PACRG: variants seen among roughly 807,000 people sequenced by gnomAD.
PACRG encodes parkin coregulated, also known as parkin coregulated gene protein.
Under a neutral mutation model 29.7 loss-of-function variants are expected in PACRG, and 29 were observed. The observed-to-expected ratio is 0.98, with a 90% CI of 0.73 to 1.33. PACRG has a LOEUF of 1.33. Ranked by LOEUF, PACRG falls within the 40% of genes most tolerant of loss-of-function variation. The pLI is 0.00. For missense variants in PACRG, 279 were observed against 316.2 expected (o/e 0.88, Z 0.89); for synonymous variants, 116 against 118.7 (o/e 0.98, Z 0.15).
At chr6:163,212,818 G>A (rs1284843825) in intron 4 of PACRG, among the ~76,000 whole-genome samples, 2 of 148,166 alleles carry the variant, frequency 1.3e-5, no homozygotes, top group African/African-American at 2.5e-5. Context: ...CTCGCTCATC[G>A]CCCAGGCTGG....
intron 2 of PACRG, among the ~76,000 whole-genome samples, chr6:162,855,005 G>A (rs1240042121): frequency 2.0e-5 from 3 of 152,230 alleles, no homozygotes; most frequent in Non-Finnish European, 2.9e-5. Context: ...CCCTGCGAGC[G>A]CGCCTGGCTT....
intron 1 of PACRG, among the ~76,000 whole-genome samples, chr6:162,734,133 A>G (rs888773311): frequency 6.6e-6 from 1 of 152,226 alleles, no homozygotes; most frequent in African/African-American, 2.4e-5. Context: ...AGTGGCTCCA[A>G]AGAAAATGCC....
chr6:163,089,923 C>A (rs1003621492), intron 4 of PACRG, among the ~76,000 whole-genome samples: 1 of 152,088 alleles, frequency 6.6e-6, no homozygotes, highest in Non-Finnish European at 1.5e-5. Context: ...CTCTATTTTA[C>A]CCTAACAAAG....
chr6:163,190,989 T>C (rs1202383232), intron 4 of PACRG: 1 of 455,838 alleles, frequency 2.2e-6, no homozygotes, highest in Non-Finnish European at 4.4e-6. Flanking sequence ...ACAACTGAAA[T>C]CAGAAATCCC....
intron 3 of PACRG, among the ~76,000 whole-genome samples, chr6:163,066,310 C>T (rs78131621): frequency 0.041 from 6,273 of 152,180 alleles, 439 homozygotes; most frequent in African/African-American, 0.14. Flanking sequence ...GATTTTACCC[C>T]GGTCATGTGA....
chr6:162,974,171 T>G (rs1411157170), intron 2 of PACRG, among the ~76,000 whole-genome samples: 1 of 152,198 alleles, frequency 6.6e-6, no homozygotes, highest in African/African-American at 2.4e-5. Context: ...TATTTCAGTT[T>G]CAACACAGCT....
At chr6:163,312,648 C>T (rs1785471354) in intron 4 of PACRG, 3 of 286,172 alleles carry the variant, frequency 1.0e-5, no homozygotes, top group African/African-American at 2.3e-5. Flanking sequence ...TATCCATTTA[C>T]ATGTTTGTTT....
chr6:163,303,391 C>T (rs1281878749), intron 4 of PACRG, among the ~76,000 whole-genome samples: 1 of 152,062 alleles, frequency 6.6e-6, no homozygotes, highest in Admixed American at 6.5e-5. Flanking sequence ...AAAAAAAAAT[C>T]AGAGCTGAAA....
At chr6:163,162,574 G>A (rs1778601537) in intron 4 of PACRG, among the ~76,000 whole-genome samples, 1 of 152,214 alleles carries the variant, frequency 6.6e-6, no homozygotes, top group South Asian at 2.1e-4. Flanking sequence ...CTACCAGAGT[G>A]GTAAATGCTT....
intron 2 of PACRG, among the ~76,000 whole-genome samples, chr6:162,987,617 G>A (rs181511822): frequency 2.5e-4 from 38 of 152,120 alleles, no homozygotes; most frequent in South Asian, 1.0e-3. Context: ...TTCACCTTCC[G>A]CCATGATTAT....
intron 2 of PACRG, among the ~76,000 whole-genome samples, chr6:162,879,186 C>T (rs910316935): frequency 1.3e-5 from 2 of 152,118 alleles, no homozygotes; most frequent in African/African-American, 4.8e-5. Flanking sequence ...TTATAAAATC[C>T]ATACTTTATT....
intron 4 of PACRG, among the ~76,000 whole-genome samples, chr6:163,289,737 C>A (rs1398177139): frequency 2.6e-5 from 4 of 151,772 alleles, no homozygotes; most frequent in Non-Finnish European, 5.9e-5. Flanking sequence ...GAAATGAAGA[C>A]CGGGAGTGGG....
chr6:162,998,283 G>A (rs1487318573), intron 2 of PACRG, among the ~76,000 whole-genome samples: 2 of 152,160 alleles, frequency 1.3e-5, no homozygotes, highest in Admixed American at 6.5e-5. Flanking sequence ...CGTACTTGAT[G>A]TGGATCTGAG....
At chr6:162,835,471 C>T (rs1461269500) in intron 2 of PACRG, among the ~76,000 whole-genome samples, 1 of 152,028 alleles carries the variant, frequency 6.6e-6, no homozygotes, top group Non-Finnish European at 1.5e-5. Flanking sequence ...GTGATGCACA[C>T]CTTCAAGTAT....
intron 2 of PACRG, among the ~76,000 whole-genome samples, chr6:163,021,604 A>G (rs61078121): frequency 0.15 from 23,518 of 151,738 alleles, 2,028 homozygotes; most frequent in East Asian, 0.23. Context: ...TTATTCTCAC[A>G]ATTAGCGTCT....
At chr6:162,854,529 A>G (rs571086371) in intron 2 of PACRG, among the ~76,000 whole-genome samples, 1 of 152,316 alleles carries the variant, frequency 6.6e-6, no homozygotes, top group East Asian at 1.9e-4. Context: ...CAGATCCTAC[A>G]TTATTATTAT....
At chr6:163,168,327 G>A (rs186094878) in intron 4 of PACRG, among the ~76,000 whole-genome samples, 4 of 152,178 alleles carry the variant, frequency 2.6e-5, no homozygotes, top group Admixed American at 2.0e-4. Flanking sequence ...AAGATTAGCT[G>A]GGCATGGTGG....
At chr6:163,282,637 G>T (rs1034292446) in intron 4 of PACRG, among the ~76,000 whole-genome samples, 3 of 151,834 alleles carry the variant, frequency 2.0e-5, no homozygotes, top group Middle Eastern at 3.2e-3. Context: ...ACTTGAAACT[G>T]GGAGGTGGAG....
chr6:163,141,568 T>C (rs896376440), intron 4 of PACRG, among the ~76,000 whole-genome samples: 7 of 150,628 alleles, frequency 4.6e-5, no homozygotes, highest in African/African-American at 1.7e-4. Flanking sequence ...TTAATCACTA[T>C]GGAATTTCCA....
Sources: gnomAD v4.1 joint callset for allele counts (sites outside exome capture counted in the v4.1 genomes callset) on GRCh38, gnomAD v4.1.1 for gene constraint, MANE v1.5 for transcripts, NCBI Gene and HGNC (gene_info 2026-07-23, HGNC 2026-07-21) for gene names.